Variants in AFF1 observed in about 807,000 individuals in gnomAD.
AFF1 encodes the protein AF4/FMR2 family member 1.
Under a neutral mutation model 121.7 loss-of-function variants are expected in AFF1, and 48 were observed. The ratio of observed to expected loss-of-function variants is 0.39; its 90% CI spans 0.31 to 0.50. The LOEUF is 0.50. AFF1 is among the 20% of genes least tolerant of loss of function. AFF1 has a pLI of 0.76. For missense variants in AFF1, 1,523 were observed against 1,511.7 expected (o/e 1.01, Z -0.12); for synonymous variants, 613 against 563.0 (o/e 1.09, Z -1.26).
rs1722440217 is a variant in AFF1 at position 87,074,318 on chromosome 4, A to AT, written c.1060-9801dup. ...TTGTGATGCCTTTAAAAAAAAAAAA[A>AT]TCAGTGCCTTTTAACCATTCTTACT... On this transcript the variant is annotated intron_variant, in intron 4 of 20. Coordinates refer to ENST00000395146, the MANE Select transcript of AFF1 (RefSeq NM_001166693.3). Among the ~76,000 whole-genome samples, 5 of 152,142 alleles carry AT rather than the reference A, an allele frequency of 3.3e-5. No homozygotes were observed. In the South Asian group the frequency reaches 1.0e-3, roughly 32 times the overall value.
intron 2 of AFF1, among the ~76,000 whole-genome samples, chr4:86,981,769 G>T (rs936976309): frequency 1.3e-5 from 2 of 152,208 alleles, no homozygotes; most frequent in Non-Finnish European, 2.9e-5. Flanking sequence ...CACAAAGTTT[G>T]CTTCTAGCTT....
At position 87,135,013 on chromosome 4, in the gene AFF1, A is replaced by T. The variant is rs139608494; in HGVS notation, c.3535+319A>T. ...TAGCTGAAAGGCAGGGCAAATGAAG[A>T]AGAGGAGCCACTGGCTGTTCCTAGG... On this transcript the variant is annotated intron_variant, in intron 20 of 20. Coordinates refer to ENST00000395146, the MANE Select transcript of AFF1 (RefSeq NM_001166693.3). Among the ~76,000 whole-genome samples, 95 of 152,342 alleles carry T rather than the reference A, an allele frequency of 6.2e-4. 1 individual carries two copies. In the East Asian group the frequency reaches 0.018, roughly 28 times the overall value.
chr4:87,111,038 C>T (rs1260065262), intron 11 of AFF1, among the ~76,000 whole-genome samples: 1 of 26,646 alleles, frequency 3.8e-5, no homozygotes. Context: ...GACGGAGTCT[C>T]GCTCTGTCGC....
At position 87,114,355 on chromosome 4, in the gene AFF1, C is replaced by T. The variant is rs1395018252; in HGVS notation, c.1534-12C>T. On this transcript the variant is annotated splice_polypyrimidine_tract_variant and intron_variant, in intron 11 of 20. Coordinates refer to ENST00000395146, the MANE Select transcript of AFF1 (RefSeq NM_001166693.3). Reference sequence around the variant, plus strand: ...GGTCAGTTAACACTTTTCTTTCTTTCCTTATTTTTAGCCTGAGCCTCCAAC... The same window carrying T: ...GGTCAGTTAACACTTTTCTTTCTTTTCTTATTTTTAGCCTGAGCCTCCAAC... 5.7e-6 allele frequency: 9 copies of T among 1,576,462 alleles called. No individual in the cohort carries two copies. The highest frequency in any genetic ancestry group is 4.1e-5 in the African/African-American group (3 of 72,476).
chr4:87,017,464 TTAAA>T (rs2149550285), intron 2 of AFF1, among the ~76,000 whole-genome samples: 1 of 152,290 alleles, frequency 6.6e-6, no homozygotes, highest in Non-Finnish European at 1.5e-5. Context: ...CGAGGAATGT[TTAAA>T]GAAAGCCAAA....
Position 87,114,901 on chromosome 4 carries a change from C to T in AFF1, c.2068C>T (p.Leu690Phe). The change falls in exon 12 of 21, where the codon CTC becomes TTC. Residue 690 changes from leucine (L) to phenylalanine (F), a missense_variant. By Grantham distance (22) the Leu-to-Phe change is conservative (BLOSUM62 0). Transcript: ENST00000395146. Reference protein sequence around the residue: ...KSSLPAPSKALSGPEPAKDNV... With the variant: ...KSSLPAPSKAFSGPEPAKDNV... ...CTCCCTCCCTGCCCCCTCTAAGGCT[C>T]TCTCAGGCCCAGAACCCGCGAAGGA... 6.2e-7 allele frequency: 1 copy of T among 1,612,754 alleles called. No individual in the cohort carries two copies. The highest frequency in any genetic ancestry group is 8.5e-7 in the Non-Finnish European group (1 of 1,179,458).
At chr4:87,131,733 T>G in intron 17 of AFF1, 60 bp from the exon 18 acceptor site, 1 of 1,321,724 alleles carries the variant, frequency 7.6e-7, no homozygotes, top group Non-Finnish European at 1.1e-6. Context: ...ACAAGCATAG[T>G]AAGTTGTATT....
intron 2 of AFF1, among the ~76,000 whole-genome samples, chr4:87,022,714 G>C (rs1258128535): frequency 1.5e-5 from 2 of 134,680 alleles, no homozygotes; most frequent in African/African-American, 7.3e-5. Context: ...ATATATATCT[G>C]TGTGTATATA....
intron 2 of AFF1, among the ~76,000 whole-genome samples, chr4:86,964,670 G>T (rs1383979956): frequency 6.6e-5 from 10 of 150,506 alleles, no homozygotes; most frequent in African/African-American, 2.4e-4. Context: ...CCGAGCTCAG[G>T]TGATCCACCT....
Position 87,114,581 on chromosome 4 carries a change from AAG to A in AFF1, c.1749_1750del (p.Glu583AspfsTer92). ...AGCAAAGCCCCCCGGGCCCCACCCG[AAG>A]CCCCCCACCCCGGAAAGAGGAGCTG... is the stretch of plus-strand genomic sequence containing the variant. On this transcript the variant is annotated frameshift_variant, in exon 12 of 21. Transcript: ENST00000395146. LOFTEE classifies it high-confidence loss of function. 1 of 909,622 alleles carries A rather than the reference AAG, an allele frequency of 1.1e-6. No homozygotes were observed. The allele number at this position is 909,622 out of a possible 1,614,324, so 56.3% of individuals were successfully genotyped here. A position where few individuals can be genotyped will look rare whatever the true frequency, so the allele number is the denominator to read the frequency against.
intron 2 of AFF1, among the ~76,000 whole-genome samples, chr4:86,973,163 G>T (rs1015712400): frequency 2.6e-5 from 4 of 152,132 alleles, no homozygotes; most frequent in Non-Finnish European, 5.9e-5. Flanking sequence ...AGTGAAGGGT[G>T]GGGGAAGATT....
In AFF1 at chr4:87,108,215, C is replaced by T. The variant is rs1352050861; in HGVS notation, c.1433C>T (p.Ser478Leu). ...TCAGCACATTCCAGCAGTGCAGAGTCAGAAAGCACCAGTGACTCAGACAGT... is the reference window on the plus strand; with the variant it reads ...TCAGCACATTCCAGCAGTGCAGAGTTAGAAAGCACCAGTGACTCAGACAGT... ...VASAHSSSAE[S>L]ESTSDSDSSS... Residue 478 changes from serine to leucine, a missense_variant, in exon 11 of 21, where the codon TCA (serine) becomes TTA (leucine). Physicochemically the swap from Ser to Leu is moderately radical, Grantham distance 145. This residue lies in a region of AFF1 where 905 missense variants were observed against 842.5 expected (regional missense o/e 1.07). Coordinates refer to ENST00000395146, the MANE Select transcript of AFF1 (RefSeq NM_001166693.3). 1.9e-6 allele frequency: 3 copies of T among 1,614,132 alleles called. No individual in the cohort carries two copies. The highest frequency in any genetic ancestry group is 2.5e-6 in the Non-Finnish European group (3 of 1,180,020).
At chr4:86,987,193 C>G (rs528391372) in intron 2 of AFF1, among the ~76,000 whole-genome samples, 1 of 152,186 alleles carries the variant, frequency 6.6e-6, no homozygotes, top group Admixed American at 6.5e-5. Flanking sequence ...TTGCTGCTTT[C>G]TCTGTGCTCT....
At chr4:86,951,988 CTT>C (rs1292341215) in intron 2 of AFF1, among the ~76,000 whole-genome samples, 5 of 148,098 alleles carry the variant, frequency 3.4e-5, no homozygotes, top group Admixed American at 1.4e-4. Flanking sequence ...AATCACCTGT[CTT>C]TTCTCCACAG....
chr4:86,949,869 G>A (rs1721173622), intron 2 of AFF1: 3 of 1,613,952 alleles, frequency 1.9e-6, no homozygotes, highest in Non-Finnish European at 2.5e-6. Context: ...CAGGACACCA[G>A]CAGGAAGAGC....
chr4:87,026,082 G>A (rs1325064274), intron 2 of AFF1, among the ~76,000 whole-genome samples: 7 of 111,624 alleles, frequency 6.3e-5, no homozygotes, highest in South Asian at 5.4e-4. Context: ...TTTTTTTTGC[G>A]TGGTGGTGCA....
chr4:87,112,626 C>T (rs1291081264), intron 11 of AFF1, among the ~76,000 whole-genome samples: 1 of 152,176 alleles, frequency 6.6e-6, no homozygotes, highest in Non-Finnish European at 1.5e-5. Flanking sequence ...CATGGATTTC[C>T]ATGTTTTATG....
chr4:87,010,253 A>G (rs1447265403), intron 2 of AFF1, among the ~76,000 whole-genome samples: 1 of 152,228 alleles, frequency 6.6e-6, no homozygotes, highest in Non-Finnish European at 1.5e-5. Flanking sequence ...TTCTTGACTA[A>G]AATGCAATTA....
intron 2 of AFF1, among the ~76,000 whole-genome samples, chr4:86,998,098 CAAAAA>C (rs56741955): frequency 2.3e-4 from 21 of 91,738 alleles, no homozygotes; most frequent in African/African-American, 4.8e-4. Flanking sequence ...AACTCCGTCT[CAAAAA>C]AAAAAAAAAA....
Sources: gnomAD v4.1 joint callset for allele counts (sites outside exome capture counted in the v4.1 genomes callset) on GRCh38, gnomAD v4.1.1 for gene constraint, gnomAD v4.1.1 regional missense constraint, MANE v1.5 for transcripts, NCBI Gene and HGNC (gene_info 2026-07-23, HGNC 2026-07-21) for gene names.